ATF7: variants seen among roughly 807,000 people sequenced by gnomAD.
ATF7 encodes the protein cyclic AMP-dependent transcription factor ATF-7.
ATF7 carries 10 observed loss-of-function variants against 50.4 expected under a neutral mutation model. The observed-to-expected ratio is 0.20, with a 90% confidence interval of 0.12 to 0.34. The LOEUF (loss-of-function observed/expected upper bound fraction) is 0.34, where lower values mean the gene tolerates loss of function less well. Ranked by LOEUF, ATF7 falls within the 10% of genes least tolerant of loss-of-function variation. The pLI, the probability that ATF7 is intolerant of heterozygous loss-of-function variation, is 1.00. For missense variants in ATF7, 465 were observed against 613.9 expected (o/e 0.76, Z 2.56); for synonymous variants, 201 against 226.4 (o/e 0.89, Z 1.01).
At chr12:53,573,718 GTTC>G (rs931944899) in intron 2 of ATF7, among the ~76,000 whole-genome samples, 4 of 152,122 alleles carry the variant, frequency 2.6e-5, no homozygotes, top group Non-Finnish European at 2.9e-5. Flanking sequence ...AGAGCATTCT[GTTC>G]TTCTTTACAA....
Position 53,524,196 on chromosome 12 carries a change from C to T in ATF7, c.1125+368G>A, listed in dbSNP as rs2137337101. ...AATTATTCTATTTGTGCTTGTAGCA[C>T]TTTTTTCTTTCTCTCTTTTATTAAG... On this transcript the variant is annotated intron_variant, in intron 10 of 11. Transcript: ENST00000420353. The surrounding 1 kb of genome is among the most constrained non-coding windows in gnomAD (Gnocchi z 4.6). Among the ~76,000 whole-genome samples, 1 of 152,286 alleles carries T rather than the reference C, an allele frequency of 6.6e-6. No individual in the cohort carries two copies. The highest frequency in any genetic ancestry group is 2.1e-4 in the South Asian group (1 of 4,828).
chr12:53,509,177 CAT>C (rs1432322199), downstream of ATF7, among the ~76,000 whole-genome samples: 2 of 152,158 alleles, frequency 1.3e-5, no homozygotes, highest in African/African-American at 4.8e-5. Context: ...TCACCTGAAA[CAT>C]GGGCCCATTT....
chr12:53,600,847 T>A, intron 2 of ATF7, 106 bp downstream of exon 2: 1 of 1,082,368 alleles, frequency 9.2e-7, no homozygotes, highest in Non-Finnish European at 1.4e-6. Context: ...TCTGATTACC[T>A]CCAGTGATCA....
Position 53,626,338 on chromosome 12 carries a change from C to T in ATF7, c.-81G>A, listed in dbSNP as rs1944604926. Reference sequence around the variant, plus strand: ...GCTCGGTCCTACAATCTGTCTCCAGCTCCTCCTTTCCCCCCTTGGCGGAAC... The same window carrying T: ...GCTCGGTCCTACAATCTGTCTCCAGTTCCTCCTTTCCCCCCTTGGCGGAAC... On this transcript the variant is annotated 5_prime_UTR_variant, in exon 1 of 12. Transcript: ENST00000420353. 6.5e-6 allele frequency: 1 copy of T among 152,852 alleles called. No individual in the cohort carries two copies. The highest frequency in any genetic ancestry group is 2.4e-5 in the African/African-American group (1 of 41,484). 9.5% of individuals were successfully genotyped at this position (152,852 alleles called of 1,614,324 possible). A position where few individuals can be genotyped will look rare whatever the true frequency, so the allele number is the denominator to read the frequency against.
intron 2 of ATF7, among the ~76,000 whole-genome samples, chr12:53,561,625 C>A (rs1941120145): frequency 6.6e-6 from 1 of 152,156 alleles, no homozygotes; most frequent in South Asian, 2.1e-4. Context: ...TAAATACACA[C>A]ATACTTCAAA....
intron 9 of ATF7, among the ~76,000 whole-genome samples, chr12:53,526,193 A>G (rs1395760179): frequency 6.9e-6 from 1 of 145,250 alleles, no homozygotes; most frequent in East Asian, 2.0e-4. Flanking sequence ...GGATAACAAG[A>G]GTGAAACTCG....
At chr12:53,577,590 C>G (rs1592914607) in intron 2 of ATF7, among the ~76,000 whole-genome samples, 1 of 151,564 alleles carries the variant, frequency 6.6e-6, no homozygotes, top group African/African-American at 2.4e-5. Flanking sequence ...GTGGCGGGCG[C>G]CTGTAATCCC....
chr12:53,539,607 T>G (rs1413442400), intron 4 of ATF7, among the ~76,000 whole-genome samples: 1 of 151,944 alleles, frequency 6.6e-6, no homozygotes, highest in Non-Finnish European at 1.5e-5. Flanking sequence ...GAGAACTGGT[T>G]AAGCTCAGGA....
At chr12:53,508,959 T>C (rs1944076489), downstream of ATF7, among the ~76,000 whole-genome samples, 1 of 152,194 alleles carries the variant, frequency 6.6e-6, no homozygotes, top group East Asian at 1.9e-4. Context: ...TAGAGTAGCC[T>C]AGAATCCTGT....
intron 2 of ATF7, among the ~76,000 whole-genome samples, chr12:53,587,820 C>CATATATAT (rs1242121330): frequency 0.05 from 3,308 of 66,822 alleles, 310 homozygotes; most frequent in Non-Finnish European, 0.089. Flanking sequence ...TATACTTCTA[C>CATATATAT]ATATATATAT....
At chr12:53,563,042 T>TC (rs1253497508) in intron 2 of ATF7, among the ~76,000 whole-genome samples, 1 of 152,156 alleles carries the variant, frequency 6.6e-6, no homozygotes, top group Non-Finnish European at 1.5e-5. Flanking sequence ...CCCAGGTCAG[T>TC]CTCTTACTGA....
intron 2 of ATF7, among the ~76,000 whole-genome samples, chr12:53,586,995 C>G (rs928998033): frequency 6.6e-6 from 1 of 152,202 alleles, no homozygotes; most frequent in African/African-American, 2.4e-5. Flanking sequence ...AGACAAGACT[C>G]TAGTCAGGTA....
At chr12:53,534,683 C>T (rs374992876) in intron 5 of ATF7, 24 bp from the exon 6 acceptor site, 6 of 1,605,646 alleles carry the variant, frequency 3.7e-6, no homozygotes, top group Non-Finnish European at 5.1e-6. Flanking sequence ...ACCAACAGAT[C>T]ACAAAATGTT....
At chr12:53,510,158 A>G (rs1944103427), downstream of ATF7, among the ~76,000 whole-genome samples, 2 of 147,348 alleles carry the variant, frequency 1.4e-5, no homozygotes, top group Non-Finnish European at 1.5e-5. Context: ...TCCTGCCTCA[A>G]CCTCCCGAGT....
rs570976100 is a variant in ATF7, at chr12:53,618,221, A to C, written c.-22+8058T>G. ...TCTTTACAGTCTATTTTTCTTCCTG[A>C]TTCTTCAAGAGTAAGTTCCTTGATC... On this transcript the variant is annotated intron_variant, in intron 1 of 11. Coordinates refer to ENST00000420353, the MANE Select transcript of ATF7 (RefSeq NM_006856.3). 3.0e-3 allele frequency among the ~76,000 whole-genome samples: 462 copies of C among 152,220 alleles called. 3 individuals are homozygous for C. The highest frequency in any genetic ancestry group is 0.011 in the African/African-American group (445 of 41,528).
intron 5 of ATF7, among the ~76,000 whole-genome samples, chr12:53,535,327 T>TAAAAAAAAAAAAAA (rs1418200711): frequency 1.0e-5 from 1 of 100,324 alleles, no homozygotes; most frequent in Non-Finnish European, 1.8e-5. Context: ...AGACTCTGCC[T>TAAAAAAAAAAAAAA]CAAAAAAAAA....
At chr12:53,525,657 A>C (rs1301640606) in intron 9 of ATF7, among the ~76,000 whole-genome samples, 1 of 152,200 alleles carries the variant, frequency 6.6e-6, no homozygotes, top group Non-Finnish European at 1.5e-5. Flanking sequence ...ATAAACAAAA[A>C]ATGTTTAATC....
At chr12:53,619,964 G>A (rs1293061904) in intron 1 of ATF7, among the ~76,000 whole-genome samples, 1 of 151,998 alleles carries the variant, frequency 6.6e-6, no homozygotes, top group Non-Finnish European at 1.5e-5. Flanking sequence ...TGGGAAACAT[G>A]ATGAGACCTC....
At chr12:53,608,083 G>A (rs1209079101) in intron 1 of ATF7, among the ~76,000 whole-genome samples, 2 of 151,896 alleles carry the variant, frequency 1.3e-5, no homozygotes, top group East Asian at 3.9e-4. Context: ...AGCTGGGTGT[G>A]GTGGTGCATG....
Sources: gnomAD v4.1 joint callset for allele counts (sites outside exome capture counted in the v4.1 genomes callset) on GRCh38, gnomAD v4.1.1 for gene constraint, Gnocchi (gnomAD v3.1) non-coding constraint, MANE v1.5 for transcripts, NCBI Gene and HGNC (gene_info 2026-07-23, HGNC 2026-07-21) for gene names.